The following FSTL5 variants were observed in gnomAD, a reference collection of about 807,000 sequenced individuals.
FSTL5 encodes the protein follistatin like 5.
Under a neutral mutation model 89.1 loss-of-function variants are expected in FSTL5, and 62 were observed. The observed-to-expected ratio is 0.70, with a 90% CI of 0.57 to 0.86. The LOEUF (loss-of-function observed/expected upper bound fraction) is 0.86, where lower values mean the gene tolerates loss of function less well. FSTL5 is among the 40% of genes least tolerant of loss of function. The pLI is 0.00. For missense variants in FSTL5, 1,057 were observed against 1,001.6 expected, an observed-to-expected ratio of 1.06 and a Z score of -0.75; for synonymous variants, 383 against 346.2, an observed-to-expected ratio of 1.11 and a Z score of -1.18.
chr4:162,032,319 ACAT>A (rs1473849746), intron 3 of FSTL5, among the ~76,000 whole-genome samples: 1 of 152,186 alleles, frequency 6.6e-6, no homozygotes, highest in Non-Finnish European at 1.5e-5. Flanking sequence ...ATTCAAATGC[ACAT>A]CATACAGCAC....
chr4:161,872,494 G>T (rs1056531444), intron 4 of FSTL5, among the ~76,000 whole-genome samples: 1 of 152,122 alleles, frequency 6.6e-6, no homozygotes, highest in Non-Finnish European at 1.5e-5. Flanking sequence ...TTTTGATCCA[G>T]GAAGTACTGG....
rs545862237 is a variant in FSTL5 at position 161,682,278 on chromosome 4, C to T, written c.728-25784G>A. Among the ~76,000 whole-genome samples, 8 of 152,146 alleles carry T rather than the reference C, an allele frequency of 5.3e-5. No homozygotes were observed. The South Asian group carries it at 1.5e-3, about 28-fold the overall frequency. On this transcript the variant is annotated intron_variant, in intron 6 of 15. Coordinates refer to ENST00000306100, the MANE Select transcript of FSTL5 (RefSeq NM_020116.5). ...TGTATGCTACCATAGATTTTATAAC[C>T]GCTGTATACTTAGGTTACACAAAGT...
intron 1 of FSTL5, among the ~76,000 whole-genome samples, chr4:162,131,285 C>T (rs1579052199): frequency 6.6e-6 from 1 of 152,162 alleles, no homozygotes; most frequent in South Asian, 2.1e-4. Flanking sequence ...GATATCTTTT[C>T]ACTTATAAGC....
intron 15 of FSTL5, among the ~76,000 whole-genome samples, chr4:161,393,410 C>T (rs1385269622): frequency 6.6e-6 from 1 of 151,676 alleles, no homozygotes; most frequent in Non-Finnish European, 1.5e-5. Context: ...GGTCTTTATC[C>T]TTAAGGTAAA....
chr4:161,715,208 C>G (rs1021916611), intron 6 of FSTL5, among the ~76,000 whole-genome samples: 2 of 152,056 alleles, frequency 1.3e-5, no homozygotes, highest in African/African-American at 4.8e-5. Flanking sequence ...TTTTACACTC[C>G]ATTTGAACAT....
At chr4:161,592,756 T>C (rs745356195) in intron 7 of FSTL5, among the ~76,000 whole-genome samples, 2 of 152,164 alleles carry the variant, frequency 1.3e-5, no homozygotes, top group Non-Finnish European at 1.5e-5. Flanking sequence ...GTCTTTATAG[T>C]AGAATGATTT....
At chr4:161,429,054 C>T (rs554007098) in intron 15 of FSTL5, among the ~76,000 whole-genome samples, 1 of 152,042 alleles carries the variant, frequency 6.6e-6, no homozygotes, top group Admixed American at 6.5e-5. Context: ...CTGAAGCCCT[C>T]TTGGGATTGA....
At chr4:161,900,495 C>T (rs1159560961) in intron 4 of FSTL5, among the ~76,000 whole-genome samples, 1 of 151,452 alleles carries the variant, frequency 6.6e-6, no homozygotes, top group Non-Finnish European at 1.5e-5. Context: ...AAAAATTAGC[C>T]AGGCATGGTG....
In FSTL5 at chr4:161,409,624, C is replaced by T. The variant is rs1317718673; in HGVS notation, c.1842-23175G>A. Among the ~76,000 whole-genome samples the T allele has an allele frequency of 5.3e-5, 8 of 152,298 alleles. No individual in the cohort carries two copies. The East Asian group carries it at 9.7e-4, about 18-fold the overall frequency. On this transcript the variant is annotated intron_variant, in intron 15 of 15. Coordinates refer to ENST00000306100, the MANE Select transcript of FSTL5 (RefSeq NM_020116.5). ...CTCGAACTCATCACCTCGTGATCCA[C>T]CTGCCTTGGCCTCCCAAAGTGCTGC...
At chr4:161,479,933 T>TG (rs1225290294) in intron 13 of FSTL5, among the ~76,000 whole-genome samples, 1 of 152,108 alleles carries the variant, frequency 6.6e-6, no homozygotes, top group African/African-American at 2.4e-5. Flanking sequence ...AAATGCTACA[T>TG]GGGTGAGTGA....
At chr4:161,866,200 GT>G (rs759736875) in intron 4 of FSTL5, among the ~76,000 whole-genome samples, 2 of 152,140 alleles carry the variant, frequency 1.3e-5, no homozygotes, top group Non-Finnish European at 2.9e-5. Flanking sequence ...GATTTAGGCA[GT>G]TTTTATGAAA....
At chr4:162,078,391 A>C (rs1729953774) in intron 2 of FSTL5, among the ~76,000 whole-genome samples, 1 of 151,840 alleles carries the variant, frequency 6.6e-6, no homozygotes, top group South Asian at 2.1e-4. Flanking sequence ...AATAAGTGTA[A>C]TGGTTTAATT....
intron 9 of FSTL5, among the ~76,000 whole-genome samples, chr4:161,538,917 C>T (rs1299012890): frequency 1.3e-5 from 2 of 151,844 alleles, no homozygotes; most frequent in African/African-American, 2.4e-5. Flanking sequence ...GCCCACTGCG[C>T]CACCCCGGGC....
At chr4:162,055,044 G>A (rs28546831) in intron 2 of FSTL5, among the ~76,000 whole-genome samples, 2,021 of 151,984 alleles carry the variant, frequency 0.013, 59 homozygotes, top group African/African-American at 0.046. Flanking sequence ...TATTGTTTTT[G>A]TGGATAGCAT....
At chr4:161,459,776 A>T (rs894566132) in intron 13 of FSTL5, among the ~76,000 whole-genome samples, 2 of 152,060 alleles carry the variant, frequency 1.3e-5, no homozygotes, top group Admixed American at 1.3e-4. Context: ...ACAAGATTTC[A>T]CTATCTGTAA....
chr4:162,000,970 G>A (rs1014240472), intron 3 of FSTL5, among the ~76,000 whole-genome samples: 2 of 152,130 alleles, frequency 1.3e-5, no homozygotes. Flanking sequence ...ATTACTAAAA[G>A]TAGCATCTAA....
chr4:161,631,805 A>G (rs541043869), intron 7 of FSTL5, among the ~76,000 whole-genome samples: 1 of 152,292 alleles, frequency 6.6e-6, no homozygotes, highest in Admixed American at 6.5e-5. Context: ...TTACATTTTT[A>G]TTATTCATTG....
intron 8 of FSTL5, among the ~76,000 whole-genome samples, chr4:161,563,614 T>C (rs961247214): frequency 1.3e-5 from 2 of 151,948 alleles, no homozygotes; most frequent in African/African-American, 4.8e-5. Context: ...TACCTATTAA[T>C]GTTGTGGCAT....
chr4:161,731,439 T>A (rs1200123792), intron 6 of FSTL5, among the ~76,000 whole-genome samples: 1 of 151,962 alleles, frequency 6.6e-6, no homozygotes, highest in Admixed American at 6.6e-5. Context: ...AGTGGGTGAG[T>A]TCTCACGAGA....
Sources: gnomAD v4.1 joint callset for allele counts (sites outside exome capture counted in the v4.1 genomes callset) on GRCh38, gnomAD v4.1.1 for gene constraint, MANE v1.5 for transcripts, NCBI Gene and HGNC (gene_info 2026-07-23, HGNC 2026-07-21) for gene names.